The following FSTL4 variants were observed in gnomAD, a reference collection of about 807,000 sequenced individuals.
The protein encoded by FSTL4 is follistatin like 4.
FSTL4 carries 28 observed loss-of-function variants against 78.2 expected under a neutral mutation model. That is an observed-to-expected ratio of 0.36 (90% CI 0.27 to 0.49). FSTL4 has a LOEUF of 0.49. FSTL4 is among the 20% of genes least tolerant of loss of function. FSTL4 has a pLI of 0.98. For synonymous variants in FSTL4, 422 were observed against 440.5 expected, an observed-to-expected ratio of 0.96 and a Z score of 0.53; for missense variants, 922 against 1,084.9, an observed-to-expected ratio of 0.85 and a Z score of 2.11.
At chr5:133,677,063 A>G in the FSTL4 span, among the ~76,000 whole-genome samples, 1 of 152,254 alleles carries the variant, frequency 6.6e-6, no homozygotes, top group Non-Finnish European at 1.5e-5. Context: ...TCATTAGTAC[A>G]TTCGTGCTCA....
chr5:133,792,576 T>G, the FSTL4 span, among the ~76,000 whole-genome samples: 3 of 152,166 alleles, frequency 2.0e-5, no homozygotes, highest in Non-Finnish European at 4.4e-5. Flanking sequence ...CTTGTTTCCG[T>G]CACTCTGTCT....
intron 3 of FSTL4, among the ~76,000 whole-genome samples, chr5:133,422,025 A>C (rs966527765): frequency 6.6e-6 from 1 of 152,180 alleles, no homozygotes; most frequent in African/African-American, 2.4e-5. Context: ...GCCTTTCAGC[A>C]TGGAGTGAGG....
chr5:133,653,591 A>G, the FSTL4 span, among the ~76,000 whole-genome samples: 1 of 152,344 alleles, frequency 6.6e-6, no homozygotes, highest in Admixed American at 6.5e-5. Context: ...TCCTAAAATG[A>G]AGTCAATCCA....
chr5:133,395,234 C>T (rs1378263819), intron 4 of FSTL4, among the ~76,000 whole-genome samples: 4 of 152,188 alleles, frequency 2.6e-5, no homozygotes, highest in Admixed American at 6.5e-5. Flanking sequence ...AATATTGCTG[C>T]TGCTCACTCT....
chr5:133,788,248 T>C, the FSTL4 span, among the ~76,000 whole-genome samples: 2 of 152,212 alleles, frequency 1.3e-5, no homozygotes, highest in Non-Finnish European at 2.9e-5. Flanking sequence ...TCTCCTCTGC[T>C]TCCCTCCATG....
intron 3 of FSTL4, among the ~76,000 whole-genome samples, chr5:133,412,446 C>A (rs1184257719): frequency 6.6e-6 from 1 of 152,054 alleles, no homozygotes; most frequent in African/African-American, 2.4e-5. Flanking sequence ...GCTGGGGCAA[C>A]CTGCTATCCA....
chr5:133,199,824 A>G lies in FSTL4; in HGVS notation c.1827-27T>C, dbSNP rs1283925157. On this transcript the variant is annotated intron_variant, in intron 15 of 15. Coordinates refer to ENST00000265342, the MANE Select transcript of FSTL4 (RefSeq NM_015082.2). The surrounding 1 kb of genome is among the most constrained non-coding windows in gnomAD (Gnocchi z 4.4). ...TGGGAGGGGAAGAACTGAGGTCAGA[A>G]GTTGCCTCCAGGGGTGGGGAATCTG... is the stretch of plus-strand genomic sequence containing the variant. 7.7e-7 allele frequency: 1 copy of G among 1,304,184 alleles called. No homozygotes were observed. Among genetic ancestry groups the G allele is most frequent in the Non-Finnish European group, 1.1e-6 (1 of 932,106 alleles). The allele number at this position is 1,304,184 out of a possible 1,614,324, so 80.8% of individuals were successfully genotyped here.
the FSTL4 span, among the ~76,000 whole-genome samples, chr5:133,790,259 T>C: frequency 1.3e-5 from 2 of 152,242 alleles, no homozygotes; most frequent in South Asian, 4.1e-4. Context: ...CAGACCTATG[T>C]GAAAATCCTG....
chr5:133,488,390 A>C lies in FSTL4; in HGVS notation c.160+78796T>G, dbSNP rs146694648. ...ATGTCTCAGCCTCCTGAGTAGCTGG[A>C]ATTACGGGTACCCACCACCACATCC... On this transcript the variant is annotated intron_variant, in intron 3 of 15. Transcript: ENST00000265342. 2.7e-3 allele frequency among the ~76,000 whole-genome samples: 413 copies of C among 152,236 alleles called. 5 individuals carry two copies. Among genetic ancestry groups the C allele is most frequent in the African/African-American group, 9.6e-3 (400 of 41,536 alleles).
chr5:133,801,779 C>G, the FSTL4 span, among the ~76,000 whole-genome samples: 1 of 152,254 alleles, frequency 6.6e-6, no homozygotes, highest in Non-Finnish European at 1.5e-5. Flanking sequence ...CTCTGATCCT[C>G]TCCACTGAGG....
At chr5:133,466,820 C>T (rs1044341006) in intron 3 of FSTL4, among the ~76,000 whole-genome samples, 1 of 152,170 alleles carries the variant, frequency 6.6e-6, no homozygotes, top group Non-Finnish European at 1.5e-5. Flanking sequence ...GGGAAGGCTT[C>T]ACAGGGAAGG....
the FSTL4 span, among the ~76,000 whole-genome samples, chr5:133,737,212 TA>T: frequency 1.3e-5 from 2 of 152,244 alleles, no homozygotes; most frequent in African/African-American, 4.8e-5. Flanking sequence ...AAAATGGGTA[TA>T]TTTTTTGTAC....
intron 4 of FSTL4, among the ~76,000 whole-genome samples, chr5:133,381,863 C>T (rs370586221): frequency 6.6e-6 from 1 of 152,198 alleles, no homozygotes; most frequent in African/African-American, 2.4e-5. Context: ...ACACGCTGGC[C>T]GGGATGCCGT....
chr5:133,227,245 G>T (rs1425906429), intron 8 of FSTL4, among the ~76,000 whole-genome samples: 1 of 152,212 alleles, frequency 6.6e-6, no homozygotes, highest in Non-Finnish European at 1.5e-5. Flanking sequence ...CCCTGGGGGA[G>T]AATGCCAGGG....
intron 4 of FSTL4, among the ~76,000 whole-genome samples, chr5:133,369,100 A>G (rs556236847): frequency 6.6e-6 from 1 of 152,308 alleles, no homozygotes; most frequent in Non-Finnish European, 1.5e-5. Context: ...GTCTCCATGC[A>G]GGGTTCTGGC....
chr5:133,701,822 T>C, the FSTL4 span, among the ~76,000 whole-genome samples: 1 of 152,180 alleles, frequency 6.6e-6, no homozygotes, highest in Non-Finnish European at 1.5e-5. Context: ...TGCAAATGCC[T>C]GAGCTCATCC....
the FSTL4 span, among the ~76,000 whole-genome samples, chr5:133,686,547 C>T: frequency 6.6e-6 from 1 of 152,206 alleles, no homozygotes; most frequent in Non-Finnish European, 1.5e-5. Flanking sequence ...ACCCCATTAA[C>T]ACAGCATGGA....
At chr5:133,416,515 G>A (rs999921286) in intron 3 of FSTL4, among the ~76,000 whole-genome samples, 5 of 152,252 alleles carry the variant, frequency 3.3e-5, no homozygotes, top group South Asian at 4.2e-4. Context: ...TATCTCATCC[G>A]AAAACATTTA....
chr5:133,251,974 A>G (rs1337972679), intron 6 of FSTL4, among the ~76,000 whole-genome samples: 1 of 152,182 alleles, frequency 6.6e-6, no homozygotes, highest in Non-Finnish European at 1.5e-5. Context: ...GACCTCAGAC[A>G]GGGCAACTCA....
Sources: allele counts gnomAD v4.1 joint callset (sites outside exome capture counted in the v4.1 genomes callset), GRCh38; gene constraint gnomAD v4.1.1; non-coding constraint Gnocchi (gnomAD v3.1); transcripts MANE v1.5; gene names NCBI Gene and HGNC (gene_info 2026-07-23, HGNC 2026-07-21).